HKDC1: variants seen among roughly 807,000 people sequenced by gnomAD.
The protein encoded by HKDC1 is hexokinase domain containing 1, also known as hexokinase HKDC1.
A neutral mutation model predicts 96.6 loss-of-function variants in HKDC1; 66 were observed. The ratio of observed to expected loss-of-function variants is 0.68; its 90% CI spans 0.56 to 0.84. HKDC1 has a LOEUF of 0.84. HKDC1 is among the 40% of genes least tolerant of loss of function. The pLI is 0.00. For synonymous variants in HKDC1, 466 were observed against 473.1 expected, an observed-to-expected ratio of 0.98 and a Z score of 0.20; for missense variants, 1,211 against 1,208.1, an observed-to-expected ratio of 1.00 and a Z score of -0.04.
intron 1 of HKDC1, among the ~76,000 whole-genome samples, chr10:69,221,936 A>G (rs1322507400): frequency 6.6e-6 from 1 of 151,800 alleles, no homozygotes; most frequent in Non-Finnish European, 1.5e-5. Flanking sequence ...AAAAGAAAAA[A>G]AAAGGCCAAG....
At chr10:69,231,932 T>C (rs1325549416) in intron 2 of HKDC1, among the ~76,000 whole-genome samples, 1 of 152,210 alleles carries the variant, frequency 6.6e-6, no homozygotes, top group East Asian at 1.9e-4. Flanking sequence ...TTGTGGCTGA[T>C]CTGTGAAGGT....
intron 12 of HKDC1, among the ~76,000 whole-genome samples, chr10:69,251,878 G>A (rs982073215): frequency 6.6e-6 from 1 of 151,426 alleles, no homozygotes; most frequent in African/African-American, 2.4e-5. Context: ...CCCTGCCTCA[G>A]TCTCCCGAGT....
chr10:69,236,609 C>G (rs918552954), intron 4 of HKDC1, among the ~76,000 whole-genome samples: 1 of 151,596 alleles, frequency 6.6e-6, no homozygotes, highest in Non-Finnish European at 1.5e-5. Flanking sequence ...GGAGAAACCC[C>G]GTCTCTACTA....
At chr10:69,248,309 G>A (rs1422095029) in intron 9 of HKDC1, 115 bp from the exon 10 acceptor site, 5 of 1,032,416 alleles carry the variant, frequency 4.8e-6, no homozygotes, top group African/African-American at 3.2e-5. Flanking sequence ...AGCAAATAAA[G>A]GGCTGAGCCC....
At chr10:69,256,915 G>A in intron 12 of HKDC1, 121 bp from the exon 13 acceptor site, 1 of 735,056 alleles carries the variant, frequency 1.4e-6, no homozygotes, top group East Asian at 2.7e-5. Flanking sequence ...TGGAGGCATA[G>A]TCAAAAGCAC....
In HKDC1 at chr10:69,243,248, G is replaced by T; in HGVS notation, c.758G>T (p.Gly253Val). The T allele has an allele frequency of 1.2e-6, 2 of 1,614,196 alleles. No individual in the cohort carries two copies. The highest frequency in any genetic ancestry group is 1.7e-6 in the Non-Finnish European group (2 of 1,180,028). ...ATTGACCTGGTGGAGGGCGACGAGG[G>T]CAGGATGTGCATCAACACAGAGTGG... ...SNIDLVEGDE[G>V]RMCINTEWGA... The change falls in exon 7 of 18, where the codon GGC becomes GTC. Residue 253 changes from glycine to valine, a missense_variant. Coordinates refer to ENST00000354624, the MANE Select transcript of HKDC1 (RefSeq NM_025130.4).
rs199508356 is a variant in HKDC1, at chr10:69,265,661, G to A, written c.2449G>A (p.Val817Met). Residue 817 changes from valine (V) to methionine (M), a missense_variant, in exon 17 of 18, where the codon GTG becomes ATG. Coordinates refer to ENST00000354624, the MANE Select transcript of HKDC1 (RefSeq NM_025130.4). Reference sequence around the variant, plus strand: ...GGACAGCACGTGTGAGGACAGCATCGTGGTGAAGGAGGTGTGCGGAGCCGT... The same window carrying A: ...GGACAGCACGTGTGAGGACAGCATCATGGTGAAGGAGGTGTGCGGAGCCGT... ...GLDSTCEDSI[V>M]VKEVCGAVSR... 62 of 1,614,122 alleles carry A rather than the reference G, an allele frequency of 3.8e-5. No homozygotes were observed. The Middle Eastern group carries it at 6.6e-4, about 17-fold the overall frequency.
At position 69,264,197 on chromosome 10, in the gene HKDC1, C is replaced by G. The variant is rs7910341; in HGVS notation, c.2373-1388C>G. ...TCCCAATGTCTGAATAGATTTCCTT[C>G]TGTGTGTGTGTGTGTGTGTGTGTGT... On this transcript the variant is annotated intron_variant, in intron 16 of 17. Coordinates refer to ENST00000354624, the MANE Select transcript of HKDC1 (RefSeq NM_025130.4). Among the ~76,000 whole-genome samples, 273 of 139,538 alleles carry G rather than the reference C, an allele frequency of 2.0e-3. 2 individuals are homozygous for G. Among genetic ancestry groups the G allele is most frequent in the African/African-American group, 7.3e-3 (262 of 36,010 alleles). The allele number at this position is 139,538 out of a possible 152,430, so 91.5% of individuals were successfully genotyped here.
intron 15 of HKDC1, among the ~76,000 whole-genome samples, chr10:69,260,361 G>C (rs2132377479): frequency 6.6e-6 from 1 of 152,322 alleles, no homozygotes; most frequent in Non-Finnish European, 1.5e-5. Context: ...CCTTCCCTTT[G>C]AATCCCAAGT....
chr10:69,261,749 A>G, intron 16 of HKDC1: 1 of 176,298 alleles, frequency 5.7e-6, no homozygotes, highest in Non-Finnish European at 1.2e-5. Flanking sequence ...TGTTTGCATC[A>G]GTATCCAGAC....
At chr10:69,261,623 A>C (rs1190508091) in intron 16 of HKDC1, 1 of 215,878 alleles carries the variant, frequency 4.6e-6, no homozygotes, top group East Asian at 9.8e-5. Flanking sequence ...ATAAAACATA[A>C]CTACAGTACC....
At position 69,267,053 on chromosome 10, in the gene HKDC1, C is replaced by A; in HGVS notation, c.*296C>A. 3.7e-6 allele frequency: 1 copy of A among 270,158 alleles called. No individual in the cohort carries two copies. The highest frequency in any genetic ancestry group is 7.0e-6 in the Non-Finnish European group (1 of 143,234). 16.7% of individuals were successfully genotyped at this position (270,158 alleles called of 1,614,324 possible). A position where few individuals can be genotyped will look rare whatever the true frequency, so the allele number is the denominator to read the frequency against. On this transcript the variant is annotated 3_prime_UTR_variant, in exon 18 of 18. Transcript: ENST00000354624. ...TCAGGTGAGGCTTGAGCTGTCAATT[C>A]TCTATGGCTTTCAGTCTTGTGGCTG...
rs1843579900 is a variant in HKDC1, at chr10:69,248,502, C to T, written c.1344C>T (p.Gly448=). ...CDVRFLLSES[G]STKGAAMVTA... ...TCCGCTTCCTCCTGTCAGAGAGTGG[C>T]AGCACCAAGGGGGCCGCCATGGTGA... The change falls in exon 10 of 18, where the codon GGC becomes GGT. Residue 448 remains glycine (G), a synonymous_variant. Transcript: ENST00000354624. 6.2e-7 allele frequency: 1 copy of T among 1,611,260 alleles called. No homozygotes were observed. Among genetic ancestry groups the T allele is most frequent in the Non-Finnish European group, 8.5e-7 (1 of 1,177,940 alleles).
chr10:69,224,995 C>A (rs4746824), intron 1 of HKDC1, among the ~76,000 whole-genome samples: 40,689 of 152,112 alleles, frequency 0.27, 6,181 homozygotes, highest in Non-Finnish European at 0.35. Context: ...TCACTTTTCC[C>A]TTCTAACAAC....
At chr10:69,226,471 AC>A (rs1843156607) in intron 1 of HKDC1, among the ~76,000 whole-genome samples, 2 of 152,068 alleles carry the variant, frequency 1.3e-5, no homozygotes, top group African/African-American at 4.8e-5. Flanking sequence ...ACATGGCGAA[AC>A]CCCATCTCTA....
Position 69,232,797 on chromosome 10 carries a change from G to A in HKDC1, c.260G>A (p.Gly87Glu), listed in dbSNP as rs2132339723. 6.2e-7 allele frequency: 1 copy of A among 1,614,150 alleles called. No homozygotes were observed. Among genetic ancestry groups the A allele is most frequent in the East Asian group, 2.2e-5 (1 of 44,884 alleles). Reference protein sequence around the residue: ...NGEFLSLDLGGSKFRVLKVQV... With the variant: ...NGEFLSLDLGESKFRVLKVQV... The stretch of plus-strand genomic sequence containing the variant: ...GAGTTCCTTTCCCTGGATCTCGGAG[G>A]GTCCAAGTTCCGAGTGCTGAAGGTG... Residue 87 changes from glycine to glutamate, a missense_variant, in exon 3 of 18, where the codon GGG becomes GAG. Transcript: ENST00000354624.
chr10:69,248,831 C>G (rs1843589123), intron 10 of HKDC1, 103 bp downstream of exon 10: 2 of 1,077,100 alleles, frequency 1.9e-6, no homozygotes, highest in South Asian at 3.4e-5. Context: ...GGGTTCACGT[C>G]TCTAATGGAG....
chr10:69,247,328 G>A, intron 8 of HKDC1, 32 bp from the exon 9 acceptor site: 3 of 1,459,246 alleles, frequency 2.1e-6, no homozygotes, highest in Non-Finnish European at 2.9e-6. Flanking sequence ...GGATGGAGAA[G>A]TGTCGTTCAC....
rs773708118 is a variant in HKDC1 at position 69,250,517 on chromosome 10, C to G, written c.1717-16C>G. 3.0e-5 allele frequency: 48 copies of G among 1,612,358 alleles called. No individual in the cohort carries two copies. Among genetic ancestry groups the G allele is most frequent in the Non-Finnish European group, 3.3e-5 (39 of 1,178,778 alleles). On this transcript the variant is annotated splice_polypyrimidine_tract_variant and intron_variant, in intron 11 of 17. Coordinates refer to ENST00000354624, the MANE Select transcript of HKDC1 (RefSeq NM_025130.4). Reference sequence around the variant, plus strand: ...ATGTCCGCCTGGTGTGAATGCCGCTCTCTCTCTCTCTGCAGCTCTTTGATC... The same window carrying G: ...ATGTCCGCCTGGTGTGAATGCCGCTGTCTCTCTCTCTGCAGCTCTTTGATC...
Sources: gnomAD v4.1 joint callset for allele counts (sites outside exome capture counted in the v4.1 genomes callset) on GRCh38, gnomAD v4.1.1 for gene constraint, MANE v1.5 for transcripts, NCBI Gene and HGNC (gene_info 2026-07-23, HGNC 2026-07-21) for gene names.